The following PARD3 variants were observed in gnomAD, a reference collection of about 807,000 sequenced individuals.
PARD3 encodes the protein par-3 family cell polarity regulator, also known as partitioning defective 3 homolog.
Under a neutral mutation model 155.4 loss-of-function variants are expected in PARD3, and 75 were observed. The ratio of observed to expected loss-of-function variants is 0.48; its 90% CI spans 0.40 to 0.58. The LOEUF (loss-of-function observed/expected upper bound fraction) is 0.58, where lower values mean the gene tolerates loss of function less well. PARD3 is among the 20% of genes least tolerant of loss of function. The probability of loss-of-function intolerance (pLI) is 0.00; values close to 1 mark genes in which losing one functional copy is unlikely to be tolerated. For synonymous variants in PARD3, 576 were observed against 610.5 expected (o/e 0.94, Z 0.83); for missense variants, 1,642 against 1,721.7 (o/e 0.95, Z 0.82).
At chr10:34,303,138 G>A (rs1384143189) in intron 20 of PARD3, among the ~76,000 whole-genome samples, 10 of 144,512 alleles carry the variant, frequency 6.9e-5, no homozygotes, top group Admixed American at 6.9e-4. Context: ...AAAACCCTCA[G>A]AATTTATTTT....
chr10:34,324,863 G>C (rs1338417599), intron 19 of PARD3, among the ~76,000 whole-genome samples: 1 of 152,110 alleles, frequency 6.6e-6, no homozygotes, highest in Admixed American at 6.6e-5. Context: ...CGCTCACCTG[G>C]ATGATTGTAC....
chr10:34,395,248 T>C (rs1843204794), intron 7 of PARD3, among the ~76,000 whole-genome samples: 1 of 152,126 alleles, frequency 6.6e-6, no homozygotes, highest in African/African-American at 2.4e-5. Flanking sequence ...TTGGCCAGGC[T>C]GGTCTTGAAC....
chr10:34,516,125 T>C lies in PARD3; in HGVS notation c.403+854A>G, dbSNP rs186315031. On this transcript the variant is annotated intron_variant, in intron 3 of 24. Transcript: ENST00000374788. ...GATTACAGGCAACCGCCACCACGCC[T>C]GGCTAATTTTTGTATTTTTAGTAGA... is the stretch of plus-strand genomic sequence containing the variant. Among the ~76,000 whole-genome samples, 83 of 152,138 alleles carry C rather than the reference T, an allele frequency of 5.5e-4. 1 individual carries two copies. In the East Asian group the frequency reaches 0.011, roughly 20 times the overall value.
intron 2 of PARD3, among the ~76,000 whole-genome samples, chr10:34,651,232 T>C (rs1218248964): frequency 6.6e-6 from 1 of 152,070 alleles, no homozygotes; most frequent in African/African-American, 2.4e-5. Context: ...AAAAATCAAT[T>C]AGTCAAATAC....
intron 2 of PARD3, among the ~76,000 whole-genome samples, chr10:34,538,009 A>T (rs192997196): frequency 6.6e-6 from 1 of 152,348 alleles, no homozygotes; most frequent in Admixed American, 6.5e-5. Flanking sequence ...AAGGGAAAAA[A>T]ATCACCTCAC....
At chr10:34,129,832 CT>C (rs71030099) in intron 23 of PARD3, among the ~76,000 whole-genome samples, 2,691 of 120,102 alleles carry the variant, frequency 0.022, 27 homozygotes, top group African/African-American at 0.049. Flanking sequence ...TAATTAAAAA[CT>C]TTTTTTTTTT....
intron 9 of PARD3, among the ~76,000 whole-genome samples, chr10:34,381,912 C>CAAAAAAAA (rs202053812): frequency 3.6e-4 from 26 of 71,862 alleles, no homozygotes; most frequent in African/African-American, 4.9e-4. Context: ...GGCCCTGTCT[C>CAAAAAAAA]AAAAAAAAAA....
At chr10:34,114,085 C>G (rs1487302907) in intron 24 of PARD3, among the ~76,000 whole-genome samples, 1 of 151,938 alleles carries the variant, frequency 6.6e-6, no homozygotes, top group Non-Finnish European at 1.5e-5. Flanking sequence ...AGTGAGACCC[C>G]ATCTCTACAA....
At position 34,269,650 on chromosome 10, in the gene PARD3, C is replaced by A; in HGVS notation, c.3419+7G>T. 1 of 1,612,770 alleles carries A rather than the reference C, an allele frequency of 6.2e-7. No homozygotes were observed. The highest frequency in any genetic ancestry group is 8.5e-7 in the Non-Finnish European group (1 of 1,178,960). The stretch of plus-strand genomic sequence containing the variant: ...GAAGCAATACCACGATTGCCCCTGG[C>A]GCCTACCTGTCTACAGGTGAGGGTT... On this transcript the variant is annotated splice_region_variant and intron_variant, in intron 22 of 24. Coordinates refer to ENST00000374788, the MANE Select transcript of PARD3 (RefSeq NM_001184785.2).
chr10:34,643,197 C>A (rs745651049), intron 2 of PARD3, among the ~76,000 whole-genome samples: 1 of 152,236 alleles, frequency 6.6e-6, no homozygotes, highest in Non-Finnish European at 1.5e-5. Flanking sequence ...GGACAGAAGG[C>A]CCCACGGCTC....
At chr10:34,804,034 T>C (rs1436429961) in intron 1 of PARD3, among the ~76,000 whole-genome samples, 2 of 128,624 alleles carry the variant, frequency 1.6e-5, no homozygotes, top group Admixed American at 7.7e-5. Flanking sequence ...GATTTGTTTT[T>C]GTTTTTTTTT....
intron 1 of PARD3, among the ~76,000 whole-genome samples, chr10:34,712,338 G>A (rs547248201): frequency 1.3e-5 from 2 of 152,216 alleles, no homozygotes; most frequent in Non-Finnish European, 2.9e-5. Context: ...ACTCAAATCT[G>A]TATCTGCAAG....
Position 34,166,456 on chromosome 10 carries a change from T to C in PARD3, c.3420-34873A>G, listed in dbSNP as rs553918657. 2.0e-5 allele frequency among the ~76,000 whole-genome samples: 3 copies of C among 151,882 alleles called. No individual in the cohort carries two copies. In the East Asian group the frequency reaches 5.8e-4, roughly 29 times the overall value. ...AGTGAGATCCTGTCTCTACAAAAAATATATATTTTTTAATTAGCTGGGGGA... is the reference window on the plus strand; with the variant it reads ...AGTGAGATCCTGTCTCTACAAAAAACATATATTTTTTAATTAGCTGGGGGA... On this transcript the variant is annotated intron_variant, in intron 22 of 24. Transcript: ENST00000374788.
intron 2 of PARD3, among the ~76,000 whole-genome samples, chr10:34,613,457 A>G (rs536103200): frequency 1.7e-4 from 26 of 152,350 alleles, no homozygotes; most frequent in Admixed American, 5.9e-4. Flanking sequence ...TAATAGAGCT[A>G]TGTATCATAA....
chr10:34,716,734 A>G (rs2094527410), intron 1 of PARD3, among the ~76,000 whole-genome samples: 1 of 151,572 alleles, frequency 6.6e-6, no homozygotes, highest in African/African-American at 2.4e-5. Flanking sequence ...CTGGGATTAC[A>G]GGCATGCGCC....
At chr10:34,159,317 G>T (rs1222981472) in intron 22 of PARD3, among the ~76,000 whole-genome samples, 9 of 152,184 alleles carry the variant, frequency 5.9e-5, no homozygotes, top group Admixed American at 5.9e-4. Flanking sequence ...ATGAGTTGGT[G>T]TAAGTAGGGA....
At chr10:34,171,940 G>T (rs1252635668) in intron 22 of PARD3, among the ~76,000 whole-genome samples, 1 of 94,820 alleles carries the variant, frequency 1.1e-5, no homozygotes, top group African/African-American at 4.4e-5. Flanking sequence ...ACAGAGATGA[G>T]ACTCCATCTC....
chr10:34,223,365 A>C (rs1952416467), intron 22 of PARD3, among the ~76,000 whole-genome samples: 1 of 152,262 alleles, frequency 6.6e-6, no homozygotes, highest in Admixed American at 6.5e-5. Flanking sequence ...GCATACATTT[A>C]ACAGGATCCC....
At chr10:34,192,977 A>T (rs1459760836) in intron 22 of PARD3, among the ~76,000 whole-genome samples, 1 of 152,204 alleles carries the variant, frequency 6.6e-6, no homozygotes, top group Non-Finnish European at 1.5e-5. Flanking sequence ...ACCCAATTTT[A>T]AAGTTTAACT....
Sources: allele counts gnomAD v4.1 joint callset (sites outside exome capture counted in the v4.1 genomes callset), GRCh38; gene constraint gnomAD v4.1.1; transcripts MANE v1.5; gene names NCBI Gene and HGNC (gene_info 2026-07-23, HGNC 2026-07-21).